SPINK1: variants seen among roughly 807,000 people sequenced by gnomAD.
SPINK1 encodes the protein serine peptidase inhibitor Kazal type 1.
A neutral mutation model predicts 9.5 loss-of-function variants in SPINK1; 5 were observed. The observed-to-expected ratio is 0.52, with a 90% confidence interval of 0.27 to 1.10. SPINK1 has a LOEUF of 1.10. Ranked by LOEUF, SPINK1 falls within the 50% of genes least tolerant of loss-of-function variation. The pLI, the probability that SPINK1 is intolerant of heterozygous loss-of-function variation, is 0.11. For synonymous variants in SPINK1, 37 were observed against 32.3 expected, an observed-to-expected ratio of 1.14 and a Z score of -0.49; for missense variants, 88 against 92.7, an observed-to-expected ratio of 0.95 and a Z score of 0.21.
At chr5:147,836,191 C>T (rs1756591882), upstream of SPINK1, among the ~76,000 whole-genome samples, 1 of 151,868 alleles carries the variant, frequency 6.6e-6, no homozygotes, top group African/African-American at 2.4e-5. Flanking sequence ...TCATTTTAAT[C>T]CTGATATCAT....
chr5:147,834,283 G>C (rs1026388175), upstream of SPINK1, among the ~76,000 whole-genome samples: 1 of 152,086 alleles, frequency 6.6e-6, no homozygotes, highest in African/African-American at 2.4e-5. Flanking sequence ...TGAAGACCAA[G>C]GTTTATGCCT....
rs1756505160 is a variant in SPINK1 at position 147,831,390 on chromosome 5, T to G, written c.55+133A>C. The G allele has an allele frequency of 9.3e-6, 11 of 1,181,872 alleles. No individual in the cohort carries two copies. The South Asian group carries it at 1.4e-4, about 15-fold the overall frequency. The allele number at this position is 1,181,872 out of a possible 1,614,324, so 73.2% of individuals were successfully genotyped here. A position where few individuals can be genotyped will look rare whatever the true frequency, so the allele number is the denominator to read the frequency against. On this transcript the variant is annotated intron_variant, in intron 1 of 3. Coordinates refer to ENST00000296695, the MANE Select transcript of SPINK1 (RefSeq NM_001379610.1). ...TTAAAAAATAATTCTTACCTGTTGA[T>G]TTTATTTCATCTCATTAGGTCCAAA...
At chr5:147,829,500 T>C (rs935274647) in intron 2 of SPINK1, 99 bp downstream of exon 2, 1 of 1,190,010 alleles carries the variant, frequency 8.4e-7, no homozygotes, top group South Asian at 1.2e-5. Flanking sequence ...CATACTCCTC[T>C]TAACTTCAGG....
intron 1 of SPINK1, among the ~76,000 whole-genome samples, 161 bp downstream of exon 1, chr5:147,831,362 C>T (rs976622040): frequency 2.0e-5 from 3 of 152,254 alleles, no homozygotes; most frequent in Non-Finnish European, 2.9e-5. Flanking sequence ...TTAAAAATTC[C>T]TCTTAAAAAA....
intron 1 of SPINK1, 21 bp from the exon 2 acceptor site, chr5:147,829,651 G>T (rs1314856105): frequency 1.2e-6 from 2 of 1,609,672 alleles, no homozygotes; most frequent in African/African-American, 1.3e-5. Context: ...ATCAGATATG[G>T]TAAGTTGGGT....
the SPINK1 span, among the ~76,000 whole-genome samples, chr5:147,838,494 A>T: frequency 6.6e-6 from 1 of 152,078 alleles, no homozygotes; most frequent in African/African-American, 2.4e-5. Flanking sequence ...ATTCTTGCCA[A>T]TTCATATGAT....
At chr5:147,837,747 G>C in the SPINK1 span, among the ~76,000 whole-genome samples, 1 of 134,028 alleles carries the variant, frequency 7.5e-6, no homozygotes, top group Non-Finnish European at 1.6e-5. Flanking sequence ...TGTCACCTGG[G>C]CTGGAGTGCA....
chr5:147,832,457 C>A (rs1425047604), upstream of SPINK1, among the ~76,000 whole-genome samples: 1 of 152,116 alleles, frequency 6.6e-6, no homozygotes, highest in Non-Finnish European at 1.5e-5. Flanking sequence ...TAACAAACGA[C>A]CTTAGAAAAT....
rs767394675 is a variant in SPINK1 at position 147,828,132 on chromosome 5, A to G, written c.88-4T>C. On this transcript the variant is annotated splice_polypyrimidine_tract_variant and splice_region_variant and intron_variant, in intron 2 of 3. Coordinates refer to ENST00000296695, the MANE Select transcript of SPINK1 (RefSeq NM_001379610.1). ...TAAGTTCATTGTAACATTTGGCCTA[A>G]AAATGGAATTAAACAGAATCATTTC... 1 of 1,606,466 alleles carries G rather than the reference A, an allele frequency of 6.2e-7. No individual in the cohort carries two copies. Among genetic ancestry groups the G allele is most frequent in the Non-Finnish European group, 8.5e-7 (1 of 1,174,002 alleles).
intron 1 of SPINK1, 104 bp from the exon 2 acceptor site, chr5:147,829,734 T>C (rs938685023): frequency 9.5e-7 from 1 of 1,052,370 alleles, no homozygotes; most frequent in South Asian, 1.3e-5. Context: ...ACTTCTTTAC[T>C]AGGCTCTTTC....
upstream of SPINK1, among the ~76,000 whole-genome samples, chr5:147,834,393 A>T (rs1308846722): frequency 6.6e-6 from 1 of 152,166 alleles, no homozygotes; most frequent in Non-Finnish European, 1.5e-5. Flanking sequence ...TCAAATATTC[A>T]TCAAGTCCTT....
chr5:147,836,880 A>G, the SPINK1 span, among the ~76,000 whole-genome samples: 1 of 152,174 alleles, frequency 6.6e-6, no homozygotes, highest in Non-Finnish European at 1.5e-5. Flanking sequence ...TGGAGATACC[A>G]TATCTAACAA....
At chr5:147,826,092 GA>G (rs1464809747) in intron 3 of SPINK1, among the ~76,000 whole-genome samples, 2 of 152,148 alleles carry the variant, frequency 1.3e-5, no homozygotes, top group Non-Finnish European at 2.9e-5. Context: ...CAGGTTTATG[GA>G]AAAGAATTTG....
At chr5:147,824,968 G>A (rs1356417125) in intron 3 of SPINK1, among the ~76,000 whole-genome samples, 1 of 152,008 alleles carries the variant, frequency 6.6e-6, no homozygotes, top group East Asian at 1.9e-4. Context: ...GATCTCGTGG[G>A]GTGTTACAGT....
At chr5:147,829,798 C>T (rs1756477830) in intron 1 of SPINK1, among the ~76,000 whole-genome samples, 168 bp from the exon 2 acceptor site, 1 of 152,132 alleles carries the variant, frequency 6.6e-6, no homozygotes, top group African/African-American at 2.4e-5. Flanking sequence ...GACTGATTTT[C>T]CTGTACCCCT....
At chr5:147,827,173 T>G (rs889134699) in intron 3 of SPINK1, 1 of 152,186 alleles carries the variant, frequency 6.6e-6, no homozygotes, top group Non-Finnish European at 1.5e-5. Flanking sequence ...GCCTCCCAGA[T>G]TGAAGCGATT....
chr5:147,827,802 G>A (rs1005696120), intron 3 of SPINK1: 15 of 423,088 alleles, frequency 3.5e-5, no homozygotes, highest in African/African-American at 1.2e-4. Context: ...CCAAGCTATC[G>A]ACTATTTTGC....
At chr5:147,836,066 G>T (rs995653665), upstream of SPINK1, among the ~76,000 whole-genome samples, 13 of 152,010 alleles carry the variant, frequency 8.6e-5, no homozygotes, top group Admixed American at 7.2e-4. Context: ...AGTTTGTAAA[G>T]CTATCACTTA....
intron 3 of SPINK1, chr5:147,827,443 A>G (rs1418134281): frequency 3.9e-5 from 6 of 152,666 alleles, no homozygotes; most frequent in African/African-American, 1.2e-4. Flanking sequence ...CATTTGCCCC[A>G]AGTTATAAGA....
Sources: gnomAD v4.1 joint callset for allele counts (sites outside exome capture counted in the v4.1 genomes callset) on GRCh38, gnomAD v4.1.1 for gene constraint, MANE v1.5 for transcripts, NCBI Gene and HGNC (gene_info 2026-07-23, HGNC 2026-07-21) for gene names.